SMARCAL1: variants seen among roughly 807,000 people sequenced by gnomAD.
The protein encoded by SMARCAL1 is ATP-driven annealing helicase.
A neutral mutation model predicts 94.5 loss-of-function variants in SMARCAL1; 58 were observed. The ratio of observed to expected loss-of-function variants is 0.61; its 90% CI spans 0.50 to 0.76. The LOEUF (loss-of-function observed/expected upper bound fraction) is 0.76. Among genes scored for constraint, SMARCAL1 ranks in the 30% least tolerant of loss-of-function variants. SMARCAL1 has a pLI of 0.00. For missense variants in SMARCAL1, 1,051 were observed against 1,177.9 expected (o/e 0.89, Z 1.58); for synonymous variants, 422 against 455.1 (o/e 0.93, Z 0.93).
chr2:216,435,648 A>G (rs1047651082), intron 9 of SMARCAL1, 152 bp downstream of exon 9: 1 of 745,770 alleles, frequency 1.3e-6, no homozygotes, highest in South Asian at 1.6e-5. Context: ...GGGAACTGGA[A>G]ATTCATTCCC....
chr2:216,424,530 G>C (rs930690711), intron 6 of SMARCAL1, among the ~76,000 whole-genome samples: 1 of 152,196 alleles, frequency 6.6e-6, no homozygotes, highest in South Asian at 2.1e-4. Context: ...GCCAACCCTG[G>C]GAGCTCTGAG....
At chr2:216,433,291 C>G (rs1161477711) in intron 8 of SMARCAL1, among the ~76,000 whole-genome samples, 1 of 151,652 alleles carries the variant, frequency 6.6e-6, no homozygotes, top group African/African-American at 2.4e-5. Flanking sequence ...GCCATGTTGC[C>G]CAGGCTGGTC....
chr2:216,431,914 C>T (rs552976263), intron 7 of SMARCAL1, among the ~76,000 whole-genome samples: 2 of 152,228 alleles, frequency 1.3e-5, no homozygotes, highest in African/African-American at 2.4e-5. Context: ...TTAGCAGCAT[C>T]TTCTGTCTTT....
chr2:216,474,541 G>C (rs187934869), intron 14 of SMARCAL1, among the ~76,000 whole-genome samples: 2 of 149,586 alleles, frequency 1.3e-5, no homozygotes, highest in Non-Finnish European at 3.0e-5. Flanking sequence ...GATCACCTGA[G>C]ATCAGGAGTT....
chr2:216,455,351 A>G (rs6753061), intron 12 of SMARCAL1, among the ~76,000 whole-genome samples: 32,632 of 152,138 alleles, frequency 0.21, 3,789 homozygotes, highest in East Asian at 0.36. Context: ...TGAAGAGAGT[A>G]GTGGTTCTTC....
intron 14 of SMARCAL1, among the ~76,000 whole-genome samples, chr2:216,474,457 A>G (rs1252608531): frequency 1.3e-5 from 2 of 148,164 alleles, no homozygotes; most frequent in African/African-American, 4.9e-5. Flanking sequence ...CATTCTTGAA[A>G]AAAAAAAAAA....
chr2:216,430,305 A>T (rs1693935871), intron 7 of SMARCAL1, among the ~76,000 whole-genome samples: 2 of 152,184 alleles, frequency 1.3e-5, no homozygotes, highest in Non-Finnish European at 2.9e-5. Flanking sequence ...TGTTTTCTTT[A>T]ATGCAAGAAC....
intron 13 of SMARCAL1, among the ~76,000 whole-genome samples, chr2:216,465,714 G>T (rs1322621685): frequency 1.3e-5 from 2 of 151,700 alleles, no homozygotes; most frequent in Admixed American, 1.3e-4. Flanking sequence ...TAACATTCAT[G>T]TGATGCTCTG....
intron 8 of SMARCAL1, among the ~76,000 whole-genome samples, chr2:216,433,952 C>T (rs2106034953): frequency 6.7e-6 from 1 of 149,188 alleles, no homozygotes; most frequent in Non-Finnish European, 1.5e-5. Context: ...AAATGTGCAC[C>T]TTGTTTTTTT....
At chr2:216,478,057 G>A (rs1169391437) in intron 16 of SMARCAL1, 146 bp from the exon 17 acceptor site, 1 of 754,238 alleles carries the variant, frequency 1.3e-6, no homozygotes, top group Middle Eastern at 3.2e-4. Context: ...AATTTTTCAA[G>A]ATGGGTGTTT....
At position 216,415,373 on chromosome 2, in the gene SMARCAL1, G is replaced by A. The variant is rs1350600578; in HGVS notation, c.669G>A (p.Gln223=). 2 of 1,614,212 alleles carry A rather than the reference G, an allele frequency of 1.2e-6. No homozygotes were observed. The highest frequency in any genetic ancestry group is 1.7e-5 in the Admixed American group (1 of 60,024). Residue 223 remains glutamine (Q), a synonymous_variant, in exon 3 of 18, where the codon CAG becomes CAA. Coordinates refer to ENST00000357276, the MANE Select transcript of SMARCAL1 (RefSeq NM_014140.4). ...SVTPRTEGRL[Q]QKSGSSVQKG... is the part of the protein sequence containing the mutation. Reference sequence around the variant, plus strand: ...CGCCCAGGACAGAAGGAAGACTCCAGCAGAAGTCAGGGTCCTCAGTCCAAA... The same window carrying A: ...CGCCCAGGACAGAAGGAAGACTCCAACAGAAGTCAGGGTCCTCAGTCCAAA...
chr2:216,432,114 C>T (rs1032323175), intron 7 of SMARCAL1, among the ~76,000 whole-genome samples: 4 of 150,556 alleles, frequency 2.7e-5, no homozygotes, highest in African/African-American at 4.9e-5. Flanking sequence ...CTCTGCCTCC[C>T]GGGTTCAAGC....
chr2:216,443,835 G>GT (rs1330121135), intron 10 of SMARCAL1, among the ~76,000 whole-genome samples: 7 of 152,168 alleles, frequency 4.6e-5, no homozygotes, highest in African/African-American at 1.4e-4. Context: ...GTCCTGGTTT[G>GT]TTTTGGGGGG....
intron 11 of SMARCAL1, among the ~76,000 whole-genome samples, chr2:216,448,200 C>T (rs903318711): frequency 1.3e-5 from 2 of 152,190 alleles, no homozygotes; most frequent in African/African-American, 4.8e-5. Flanking sequence ...AAAAGCCGTA[C>T]ACTTCTTTAA....
intron 16 of SMARCAL1, 70 bp downstream of exon 16, chr2:216,477,279 G>GGGAGCAAAGTAAA: frequency 9.0e-7 from 1 of 1,106,500 alleles, no homozygotes. Context: ...TGTTTACTTT[G>GGGAGCAAAGTAAA]CTCCCAAAGT....
intron 12 of SMARCAL1, among the ~76,000 whole-genome samples, chr2:216,455,737 A>G (rs552859954): frequency 1.4e-4 from 22 of 152,342 alleles, no homozygotes; most frequent in African/African-American, 5.3e-4. Context: ...AGATAAAACC[A>G]CAAAGATGGG....
At chr2:216,468,095 G>C in intron 14 of SMARCAL1, 49 bp downstream of exon 14, 1 of 1,336,474 alleles carries the variant, frequency 7.5e-7, no homozygotes, top group African/African-American at 1.4e-5. Flanking sequence ...CATGTCCCAA[G>C]TTGTTCTAAG....
intron 8 of SMARCAL1, among the ~76,000 whole-genome samples, chr2:216,434,445 C>T (rs1694032217): frequency 6.6e-6 from 1 of 152,106 alleles, no homozygotes; most frequent in African/African-American, 2.4e-5. Flanking sequence ...CATAAAATTC[C>T]TCTTAAAAAG....
At chr2:216,415,826 A>G in intron 3 of SMARCAL1, 1 of 445,362 alleles carries the variant, frequency 2.2e-6, no homozygotes, top group South Asian at 2.3e-5. Flanking sequence ...AAATAAGTAG[A>G]TGTTATTTTA....
Sources: allele counts gnomAD v4.1 joint callset (sites outside exome capture counted in the v4.1 genomes callset), GRCh38; gene constraint gnomAD v4.1.1; transcripts MANE v1.5; gene names NCBI Gene and HGNC (gene_info 2026-07-23, HGNC 2026-07-21).